Variants in ALG13 observed in about 807,000 individuals in gnomAD.
ALG13 encodes UDP-N-acetylglucosamine transferase subunit ALG13.
Under a neutral mutation model 87.8 loss-of-function variants are expected in ALG13, and 11 were observed. The ratio of observed to expected loss-of-function variants is 0.13; its 90% CI spans 0.08 to 0.21. The LOEUF (loss-of-function observed/expected upper bound fraction) is 0.21. Among genes scored for constraint, ALG13 ranks in the 10% least tolerant of loss-of-function variants. ALG13 has a pLI of 1.00. For missense variants in ALG13, 756 were observed against 866.1 expected (o/e 0.87, Z 1.60); for synonymous variants, 320 against 306.3 (o/e 1.04, Z -0.47).
rs761336220 is a variant in ALG13 at position 111,736,281 on chromosome X, C to T, written c.2530-433C>T. Among the ~76,000 whole-genome samples the T allele has an allele frequency of 8.1e-5, 9 of 111,375 alleles. No homozygotes were observed. In the South Asian group the frequency reaches 1.9e-3, roughly 24 times the overall value. ...TCATGCCACTTCACTCCAGCCTGGG[C>T]GATGGGAGTGAGACCCTGTCTCAAA... is the stretch of plus-strand genomic sequence containing the variant. On this transcript the variant is annotated intron_variant, in intron 22 of 26. Coordinates refer to ENST00000394780, the MANE Select transcript of ALG13 (RefSeq NM_001099922.3).
At chrX:111,722,143 A>C (rs1250323647) in intron 12 of ALG13, among the ~76,000 whole-genome samples, 1 of 112,126 alleles carries the variant, frequency 8.9e-6, no homozygotes, top group Non-Finnish European at 1.9e-5. Context: ...TAAAAGAATA[A>C]TATATCGTGA....
chrX:111,706,493 A>C (rs1938788164), intron 3 of ALG13, among the ~76,000 whole-genome samples: 1 of 112,562 alleles, frequency 8.9e-6, no homozygotes. Context: ...ATGGTGGCTC[A>C]TGCCTCTAAT....
intron 21 of ALG13, chrX:111,734,497 T>G (rs767388415): frequency 8.9e-6 from 1 of 112,553 alleles, no homozygotes; most frequent in East Asian, 2.8e-4. Flanking sequence ...CTCTTACTAA[T>G]GTAACCAATC....
At chrX:111,693,968 AT>A (rs925785936) in intron 3 of ALG13, among the ~76,000 whole-genome samples, 4 of 111,952 alleles carry the variant, frequency 3.6e-5, no homozygotes, top group African/African-American at 1.3e-4. Context: ...TCCTAGACTC[AT>A]TTGTAATTAA....
intron 24 of ALG13, among the ~76,000 whole-genome samples, chrX:111,748,976 G>A (rs754767044): frequency 9.1e-6 from 1 of 110,396 alleles, no homozygotes. Context: ...CTAGTTACTC[G>A]GGAGGCTGAG....
chrX:111,729,055 A>G (rs1942389809), intron 19 of ALG13, among the ~76,000 whole-genome samples: 2 of 111,720 alleles, frequency 1.8e-5, no homozygotes, highest in Admixed American at 9.5e-5. Flanking sequence ...CATTTTTATC[A>G]CCACAATAGA....
chrX:111,717,020 A>G (rs1940708404), intron 8 of ALG13: 1 of 109,965 alleles, frequency 9.1e-6, no homozygotes, highest in Non-Finnish European at 1.9e-5. Context: ...ATCATAGCAC[A>G]CTATAGCTTC....
chrX:111,726,227 G>GTTTTTTTTTTTTTTTTTTTT (rs1448726593), intron 15 of ALG13, among the ~76,000 whole-genome samples: 1 of 83,737 alleles, frequency 1.2e-5, no homozygotes. Context: ...TTACAGGCGT[G>GTTTTTTTTTTTTTTTTTTTT]TTTTGTTTTT....
intron 13 of ALG13, among the ~76,000 whole-genome samples, 155 bp downstream of exon 13, chrX:111,723,012 T>C (rs746853820): frequency 9.0e-6 from 1 of 111,048 alleles, no homozygotes; most frequent in South Asian, 3.9e-4. Flanking sequence ...TGGAGTGTAG[T>C]GGCATGATCC....
rs1602746518 is a variant in ALG13, at chrX:111,727,106, A to G, written c.1976+51A>G. ...TCATGGTCTAGGGAAATATGAAGCA[A>G]TTGAAGAGATCCAAGAAGATAGAAT... is the stretch of plus-strand genomic sequence containing the variant. On this transcript the variant is annotated intron_variant, in intron 16 of 26. Transcript: ENST00000394780. The G allele has an allele frequency of 5.9e-6, 7 of 1,179,802 alleles. No homozygotes were observed. In the East Asian group the frequency reaches 8.9e-5, roughly 15 times the overall value.
chrX:111,741,953 G>GCTGT, intron 23 of ALG13, among the ~76,000 whole-genome samples: 1 of 112,107 alleles, frequency 8.9e-6, no homozygotes, highest in Non-Finnish European at 1.9e-5. Context: ...GAAAATGTTT[G>GCTGT]CTGTCTGCTT....
chrX:111,696,414 T>G (rs1333528672), intron 3 of ALG13, among the ~76,000 whole-genome samples: 1 of 111,827 alleles, frequency 8.9e-6, no homozygotes, highest in Non-Finnish European at 1.9e-5. Context: ...AGACTTAAAG[T>G]GGTACAGCCA....
chrX:111,684,950 G>C lies in ALG13; in HGVS notation c.245-15G>C, dbSNP rs200603385. ...ATTTCAAATTGTGTTGAACAAATTTGATTTATATTTGTAGGTGCAGGAAGC... is the reference window on the plus strand; with the variant it reads ...ATTTCAAATTGTGTTGAACAAATTTCATTTATATTTGTAGGTGCAGGAAGC... On this transcript the variant is annotated splice_polypyrimidine_tract_variant and intron_variant, in intron 2 of 26. Coordinates refer to ENST00000394780, the MANE Select transcript of ALG13 (RefSeq NM_001099922.3). 2 of 1,187,277 alleles carry C rather than the reference G, an allele frequency of 1.7e-6. No individual in the cohort carries two copies. The highest frequency in any genetic ancestry group is 6.0e-5 in the East Asian group (2 of 33,133).
At chrX:111,710,027 CT>C (rs368461015) in intron 5 of ALG13, among the ~76,000 whole-genome samples, 5,477 of 101,956 alleles carry the variant, frequency 0.054, 379 homozygotes, top group African/African-American at 0.18. Flanking sequence ...CCCGAGATTT[CT>C]TTTTTTTTTT....
At chrX:111,689,051 T>G in intron 3 of ALG13, 8 of 696,556 alleles carry the variant, frequency 1.1e-5, no homozygotes, top group Non-Finnish European at 1.4e-5. Context: ...TTATCATGTT[T>G]TTATAGGTTT....
At chrX:111,728,578 A>G (rs778546169) in intron 19 of ALG13, among the ~76,000 whole-genome samples, 3 of 111,628 alleles carry the variant, frequency 2.7e-5, no homozygotes, top group Non-Finnish European at 5.6e-5. Flanking sequence ...TTGGTGTCAG[A>G]TATCAGTATG....
intron 3 of ALG13, among the ~76,000 whole-genome samples, chrX:111,707,297 T>G (rs1938948106): frequency 8.9e-6 from 1 of 112,696 alleles, no homozygotes; most frequent in Non-Finnish European, 1.9e-5. Flanking sequence ...TCCATTTAAA[T>G]TTTTATTTCC....
At position 111,705,508 on chromosome X, in the gene ALG13, A is replaced by G. The variant is rs773254766; in HGVS notation, c.384-2519A>G. 1.8e-3 allele frequency among the ~76,000 whole-genome samples: 199 copies of G among 111,077 alleles called. 1 individual carries two copies. The highest frequency in any genetic ancestry group is 3.2e-3 in the Non-Finnish European group (170 of 52,925). Reference sequence around the variant, plus strand: ...TAAAATCGAGTTAATTTTTTTTTCTATTATGTATCTGAGAACTCACTGCCT... The same window carrying G: ...TAAAATCGAGTTAATTTTTTTTTCTGTTATGTATCTGAGAACTCACTGCCT... On this transcript the variant is annotated intron_variant, in intron 3 of 26. Coordinates refer to ENST00000394780, the MANE Select transcript of ALG13 (RefSeq NM_001099922.3).
chrX:111,709,237 A>T (rs893246824), intron 5 of ALG13, among the ~76,000 whole-genome samples, 189 bp downstream of exon 5: 2 of 111,398 alleles, frequency 1.8e-5, no homozygotes, highest in African/African-American at 3.3e-5. Flanking sequence ...GTTGTTTAGG[A>T]CTCTAATTAA....
Sources: allele counts gnomAD v4.1 joint callset (sites outside exome capture counted in the v4.1 genomes callset), GRCh38; gene constraint gnomAD v4.1.1; transcripts MANE v1.5; gene names NCBI Gene and HGNC (gene_info 2026-07-23, HGNC 2026-07-21).